PLEK: variants seen among roughly 807,000 people sequenced by gnomAD.
PLEK encodes the protein pleckstrin.
A neutral mutation model predicts 43.9 loss-of-function variants in PLEK; 25 were observed. The ratio of observed to expected loss-of-function variants is 0.57; its 90% CI spans 0.41 to 0.79. The LOEUF is 0.79. Among genes scored for constraint, PLEK ranks in the 30% least tolerant of loss-of-function variants. PLEK has a pLI of 0.00. For missense variants in PLEK, 396 were observed against 413.3 expected, an observed-to-expected ratio of 0.96 and a Z score of 0.36; for synonymous variants, 152 against 144.4, an observed-to-expected ratio of 1.05 and a Z score of -0.38.
At chr2:68,389,945 C>T (rs1192113538) in intron 6 of PLEK, among the ~76,000 whole-genome samples, 3 of 152,036 alleles carry the variant, frequency 2.0e-5, no homozygotes, top group South Asian at 2.1e-4. Flanking sequence ...TTGATTTCTT[C>T]CATAATTCTA....
chr2:68,395,699 G>A lies in PLEK; in HGVS notation c.936G>A (p.Glu312=). 6.2e-7 allele frequency: 1 copy of A among 1,614,122 alleles called. No individual in the cohort carries two copies. The highest frequency in any genetic ancestry group is 1.1e-5 in the South Asian group (1 of 91,066). ...CCCCAGGCAGGAAGAGTGAGGAAGA[G>A]AACCTTTTTGAGATCATCACAGCAG... ...SNSNGRKSEE[E]NLFEIITADE... is the part of the protein sequence containing the mutation. The change falls in exon 9 of 9, where the codon GAG becomes GAA. Residue 312 remains glutamate, a synonymous_variant. Transcript: ENST00000234313.
chr2:68,375,376 T>G (rs1673483083), intron 1 of PLEK, among the ~76,000 whole-genome samples: 1 of 152,188 alleles, frequency 6.6e-6, no homozygotes, highest in African/African-American at 2.4e-5. Flanking sequence ...AAAAATAGGA[T>G]TATTTGTACT....
intron 6 of PLEK, among the ~76,000 whole-genome samples, chr2:68,391,941 G>A (rs866874036): frequency 9.2e-5 from 14 of 152,218 alleles, no homozygotes; most frequent in Admixed American, 2.6e-4. Context: ...AAATAACTTG[G>A]TAACTCACAG....
chr2:68,390,598 T>C (rs1219500625), intron 6 of PLEK, among the ~76,000 whole-genome samples: 1 of 152,212 alleles, frequency 6.6e-6, no homozygotes, highest in Non-Finnish European at 1.5e-5. Context: ...ATCTCTTAGC[T>C]CAGTGGTTAG....
chr2:68,393,196 T>C lies in PLEK; in HGVS notation c.797T>C (p.Phe266Ser). 6.2e-7 allele frequency: 1 copy of C among 1,613,288 alleles called. No homozygotes were observed. The highest frequency in any genetic ancestry group is 8.5e-7 in the Non-Finnish European group (1 of 1,179,204). The change falls in exon 7 of 9, where the codon TTC (phenylalanine) becomes TCC (serine). Residue 266 changes from phenylalanine (F) to serine (S), a missense_variant. Transcript: ENST00000234313. ...HRRKNWKVRKFILREDPAYLH... is the reference protein window; with the variant it reads ...HRRKNWKVRKSILREDPAYLH... ...AGGAAAAACTGGAAAGTGAGGAAGT[T>C]CATCTTGAGAGAAGACCCTGCCTAC...
intron 4 of PLEK, among the ~76,000 whole-genome samples, chr2:68,383,673 T>A (rs1406100616): frequency 6.6e-6 from 1 of 152,004 alleles, no homozygotes; most frequent in Non-Finnish European, 1.5e-5. Flanking sequence ...GGATGTACAA[T>A]TTGGTACTAA....
chr2:68,365,394 G>A lies in PLEK; in HGVS notation c.42+1G>A, dbSNP rs1433816397. On this transcript the variant is annotated splice_donor_variant, in intron 1 of 8. Transcript: ENST00000234313. LOFTEE classifies it high-confidence loss of function. ...CAGAGAGGGCTACCTTGTGAAGAAG[G>A]TGAGCGAAGGTGCCACTTACCAGGG... 1.2e-6 allele frequency: 2 copies of A among 1,613,098 alleles called. No homozygotes were observed. Among genetic ancestry groups the A allele is most frequent in the African/African-American group, 2.7e-5 (2 of 74,924 alleles).
At chr2:68,369,519 TG>T (rs1673351472) in intron 1 of PLEK, among the ~76,000 whole-genome samples, 1 of 151,446 alleles carries the variant, frequency 6.6e-6, no homozygotes, top group Admixed American at 6.6e-5. Flanking sequence ...GTTTTGCTCT[TG>T]TTGCCCAGGC....
chr2:68,378,549 G>T (rs1449724945), intron 1 of PLEK, among the ~76,000 whole-genome samples: 1 of 152,090 alleles, frequency 6.6e-6, no homozygotes, highest in African/African-American at 2.4e-5. Context: ...AAATATTTTT[G>T]ACTCTTCCTC....
In PLEK at chr2:68,395,784, G is replaced by A. The variant is rs1246078497; in HGVS notation, c.1021G>A (p.Ala341Thr). The A allele has an allele frequency of 1.2e-6, 2 of 1,613,662 alleles. No individual in the cohort carries two copies. Among genetic ancestry groups the A allele is most frequent in the African/African-American group, 2.7e-5 (2 of 74,900 alleles). The change falls in exon 9 of 9, where the codon GCC becomes ACC. Residue 341 changes from alanine (A) to threonine (T), a missense_variant. Coordinates refer to ENST00000234313, the MANE Select transcript of PLEK (RefSeq NM_002664.3). ...TPKERTEWIRAIQMASRTGK is the reference protein window; with the variant it reads ...TPKERTEWIRTIQMASRTGK ...CAAGGAGCGCACAGAGTGGATCAGAGCCATCCAGATGGCCTCCCGAACTGG... is the reference window on the plus strand; with the variant it reads ...CAAGGAGCGCACAGAGTGGATCAGAACCATCCAGATGGCCTCCCGAACTGG...
rs530165936 is a variant in PLEK at position 68,396,023 on chromosome 2, A to C, written c.*207A>C. On this transcript the variant is annotated 3_prime_UTR_variant, in exon 9 of 9. Coordinates refer to ENST00000234313, the MANE Select transcript of PLEK (RefSeq NM_002664.3). ...CACTGCAGCCCCTCTGCCCCTATCC[A>C]TGACCCCCAAGCAGATATAACAAGC... is the stretch of plus-strand genomic sequence containing the variant. The C allele has an allele frequency of 2.2e-5, 12 of 537,728 alleles. No individual in the cohort carries two copies. The highest frequency in any genetic ancestry group is 3.7e-5 in the Non-Finnish European group (11 of 296,270). 33.3% of individuals were successfully genotyped at this position (537,728 alleles called of 1,614,324 possible).
At position 68,397,173 on chromosome 2, in the gene PLEK, T is replaced by A. The variant is rs1326674363; in HGVS notation, c.*1357T>A. Reference sequence around the variant, plus strand: ...ATATTTTTCAATTCCAGATTTTTAATTTTAAGGCTCCAGGAAAGAAAGGAG... The same window carrying A: ...ATATTTTTCAATTCCAGATTTTTAAATTTAAGGCTCCAGGAAAGAAAGGAG... On this transcript the variant is annotated 3_prime_UTR_variant, in exon 9 of 9. Coordinates refer to ENST00000234313, the MANE Select transcript of PLEK (RefSeq NM_002664.3). 1 of 152,190 alleles carries A rather than the reference T, an allele frequency of 6.6e-6. No individual in the cohort carries two copies. Among genetic ancestry groups the A allele is most frequent in the Non-Finnish European group, 1.5e-5 (1 of 68,022 alleles). The allele number at this position is 152,190 out of a possible 1,614,324, so 9.4% of individuals were successfully genotyped here.
chr2:68,365,403 G>A lies in PLEK; in HGVS notation c.42+10G>A, dbSNP rs763372304. 5 of 1,612,174 alleles carry A rather than the reference G, an allele frequency of 3.1e-6. No individual in the cohort carries two copies. The South Asian group carries it at 4.4e-5, about 14-fold the overall frequency. On this transcript the variant is annotated intron_variant, in intron 1 of 8. Transcript: ENST00000234313. ...CTACCTTGTGAAGAAGGTGAGCGAA[G>A]GTGCCACTTACCAGGGTGTCAGTGG...
chr2:68,380,357 G>A lies in PLEK; in HGVS notation c.72G>A (p.Met24Ile). Residue 24 changes from methionine to isoleucine, a missense_variant, in exon 2 of 9, where the codon ATG becomes ATA. Physicochemically the swap from Met to Ile is conservative, Grantham distance 10 (BLOSUM62 1). Coordinates refer to ENST00000234313, the MANE Select transcript of PLEK (RefSeq NM_002664.3). Reference sequence around the variant, plus strand: ...GCGTGTTCAATACGTGGAAACCCATGTGGGTTGTATTGTTAGAAGATGGAA... The same window carrying A: ...GCGTGTTCAATACGTGGAAACCCATATGGGTTGTATTGTTAGAAGATGGAA... Reference protein sequence around the residue: ...KGSVFNTWKPMWVVLLEDGIE... With the variant: ...KGSVFNTWKPIWVVLLEDGIE... The A allele has an allele frequency of 6.2e-7, 1 of 1,613,574 alleles. No individual in the cohort carries two copies. The highest frequency in any genetic ancestry group is 8.5e-7 in the Non-Finnish European group (1 of 1,179,518).
At chr2:68,385,512 C>T (rs1195639218) in intron 4 of PLEK, among the ~76,000 whole-genome samples, 1 of 152,118 alleles carries the variant, frequency 6.6e-6, no homozygotes, top group Non-Finnish European at 1.5e-5. Context: ...TTCCCATTAG[C>T]CAAATTTCTT....
intron 1 of PLEK, among the ~76,000 whole-genome samples, chr2:68,377,135 G>A (rs992010291): frequency 2.0e-5 from 3 of 152,156 alleles, no homozygotes; most frequent in African/African-American, 7.2e-5. Context: ...CCTCCATTGT[G>A]TATATGTACT....
At chr2:68,385,419 C>A (rs1673720022) in intron 4 of PLEK, among the ~76,000 whole-genome samples, 1 of 152,188 alleles carries the variant, frequency 6.6e-6, no homozygotes, top group South Asian at 2.1e-4. Flanking sequence ...AAAGTCATGA[C>A]AATCAGTGCA....
At chr2:68,386,730 C>A in intron 5 of PLEK, 44 bp downstream of exon 5, 1 of 1,458,372 alleles carries the variant, frequency 6.9e-7, no homozygotes, top group Non-Finnish European at 9.6e-7. Flanking sequence ...GGGAGGCTGC[C>A]CTGAGCAGAT....
At chr2:68,386,761 T>C (rs573205411) in intron 5 of PLEK, 75 bp downstream of exon 5, 11 of 1,138,354 alleles carry the variant, frequency 9.7e-6, no homozygotes, top group African/African-American at 1.5e-5. Context: ...TTTCAGTTCA[T>C]AGACATCTAT....
Sources: gnomAD v4.1 joint callset for allele counts (sites outside exome capture counted in the v4.1 genomes callset) on GRCh38, gnomAD v4.1.1 for gene constraint, MANE v1.5 for transcripts, NCBI Gene and HGNC (gene_info 2026-07-23, HGNC 2026-07-21) for gene names.